CSMD1: variants seen among roughly 807,000 people sequenced by gnomAD.
CSMD1 encodes the protein CUB and sushi domain-containing protein 1.
In CSMD1, 213 loss-of-function variants were observed where a neutral mutation model predicts 417.5. The observed-to-expected ratio is 0.51, with a 90% CI of 0.46 to 0.57. The LOEUF is 0.57. CSMD1 is among the 20% of genes least tolerant of loss of function. The pLI, the probability that CSMD1 is intolerant of heterozygous loss-of-function variation, is 0.00. For synonymous variants in CSMD1, 2,862 were observed against 1,736.8 expected (o/e 1.65, Z -16.11); for missense variants, 6,923 against 4,529.7 (o/e 1.53, Z -15.17).
chr8:3,370,782 C>T (rs935560266), intron 18 of CSMD1, among the ~76,000 whole-genome samples: 1 of 152,144 alleles, frequency 6.6e-6, no homozygotes, highest in Non-Finnish European at 1.5e-5. Flanking sequence ...CCAGACCAGC[C>T]TGGCCAGCAT....
At chr8:3,411,831 T>TATGCACGTATATATGCACGTATAC (rs1563361398) in intron 12 of CSMD1, among the ~76,000 whole-genome samples, 1 of 73,826 alleles carries the variant, frequency 1.4e-5, no homozygotes, top group Admixed American at 1.3e-4. Flanking sequence ...TATATGTATA[T>TATGCACGTATATATGCACGTATAC]ATGCACGTAT....
chr8:3,085,862 T>C (rs998904612), intron 49 of CSMD1, among the ~76,000 whole-genome samples: 1 of 152,178 alleles, frequency 6.6e-6, no homozygotes, highest in Admixed American at 6.5e-5. Flanking sequence ...CTTTGGGACA[T>C]GAAGGTCCCT....
At chr8:4,731,293 G>T (rs1470142535) in intron 1 of CSMD1, among the ~76,000 whole-genome samples, 2 of 152,072 alleles carry the variant, frequency 1.3e-5, no homozygotes, top group Non-Finnish European at 2.9e-5. Context: ...CTTCCTCATG[G>T]GATCCGTCTT....
intron 5 of CSMD1, among the ~76,000 whole-genome samples, chr8:3,806,149 C>G (rs34537358): frequency 6.6e-6 from 1 of 152,144 alleles, no homozygotes; most frequent in Non-Finnish European, 1.5e-5. Context: ...ACAGTTCTGC[C>G]TGACACAACC....
intron 1 of CSMD1, among the ~76,000 whole-genome samples, chr8:4,951,722 A>T (rs1808762188): frequency 6.6e-6 from 1 of 151,824 alleles, no homozygotes; most frequent in South Asian, 2.1e-4. Flanking sequence ...GAATCTCCCT[A>T]TATTAATAAT....
At chr8:3,976,095 T>G (rs1416061596) in intron 5 of CSMD1, among the ~76,000 whole-genome samples, 1 of 152,050 alleles carries the variant, frequency 6.6e-6, no homozygotes, top group East Asian at 1.9e-4. Context: ...CACGAACTTG[T>G]AAGAATCTAA....
chr8:4,806,939 T>C (rs74439168), intron 1 of CSMD1, among the ~76,000 whole-genome samples: 7 of 152,146 alleles, frequency 4.6e-5, no homozygotes, highest in Non-Finnish European at 7.3e-5. Context: ...TCTTAAGCTA[T>C]TATTTATGTT....
intron 3 of CSMD1, among the ~76,000 whole-genome samples, chr8:4,053,392 C>A (rs1798533997): frequency 1.3e-5 from 2 of 151,322 alleles, no homozygotes; most frequent in Admixed American, 6.6e-5. Context: ...GCGCTGACTG[C>A]CTCTACCTTG....
chr8:4,756,345 G>C (rs1811665879), intron 1 of CSMD1, among the ~76,000 whole-genome samples: 1 of 152,104 alleles, frequency 6.6e-6, no homozygotes, highest in Non-Finnish European at 1.5e-5. Context: ...CATCAATTCA[G>C]GCATACTGGC....
At position 3,968,004 on chromosome 8, in the gene CSMD1, T is replaced by TAAAAAAAAAAAAAA. The variant is rs11330461; in HGVS notation, c.818+29885_818+29898dup. Among the ~76,000 whole-genome samples, 74 of 98,874 alleles carry TAAAAAAAAAAAAAA rather than the reference T, an allele frequency of 7.5e-4. 1 individual carries two copies. The highest frequency in any genetic ancestry group is 2.7e-3 in the African/African-American group (61 of 22,968). The allele number at this position is 98,874 out of a possible 152,430, so 64.9% of individuals were successfully genotyped here. ...AACACGGTGAAACCCCGTCACTGCT[T>TAAAAAAAAAAAAAA]AAAAAAAAAAAAAAAAAAAAAAATT... On this transcript the variant is annotated intron_variant, in intron 5 of 69. Transcript: ENST00000635120.
At chr8:3,815,688 A>T (rs1014542379) in intron 5 of CSMD1, among the ~76,000 whole-genome samples, 15 of 151,248 alleles carry the variant, frequency 9.9e-5, no homozygotes, top group African/African-American at 3.7e-4. Flanking sequence ...CTTATCAATG[A>T]TGGTGACTTT....
At chr8:3,984,301 C>G (rs564876853) in intron 5 of CSMD1, among the ~76,000 whole-genome samples, 1 of 152,314 alleles carries the variant, frequency 6.6e-6, no homozygotes, top group Admixed American at 6.5e-5. Flanking sequence ...CACACATGCA[C>G]AGAGTTTACT....
intron 3 of CSMD1, among the ~76,000 whole-genome samples, chr8:4,088,784 C>G (rs546213283): frequency 7.0e-4 from 106 of 152,266 alleles, no homozygotes; most frequent in African/African-American, 2.5e-3. Context: ...CTCCCACCCT[C>G]CCAGACCAAA....
intron 7 of CSMD1, among the ~76,000 whole-genome samples, chr8:3,686,922 T>C (rs1007564562): frequency 6.6e-6 from 1 of 152,168 alleles, no homozygotes; most frequent in African/African-American, 2.4e-5. Flanking sequence ...AGAGTAGAGC[T>C]TTGTCTCCCC....
intron 3 of CSMD1, among the ~76,000 whole-genome samples, chr8:4,406,241 A>T (rs1351051892): frequency 6.6e-6 from 1 of 152,142 alleles, no homozygotes; most frequent in Non-Finnish European, 1.5e-5. Flanking sequence ...CAAATGGTGC[A>T]AGTGGCTCTC....
intron 26 of CSMD1, among the ~76,000 whole-genome samples, chr8:3,237,360 G>A (rs1042323979): frequency 2.0e-5 from 3 of 151,622 alleles, no homozygotes; most frequent in East Asian, 1.9e-4. Flanking sequence ...TCAGCTACTC[G>A]GGAGGCTGAG....
intron 10 of CSMD1, among the ~76,000 whole-genome samples, chr8:3,518,916 T>C (rs990350958): frequency 6.6e-6 from 1 of 152,228 alleles, no homozygotes; most frequent in Non-Finnish European, 1.5e-5. Context: ...TGAGAGCTGT[T>C]GAATCTCCTC....
intron 10 of CSMD1, among the ~76,000 whole-genome samples, chr8:3,566,721 C>T (rs541625934): frequency 2.0e-5 from 3 of 152,236 alleles, no homozygotes; most frequent in East Asian, 3.9e-4. Context: ...ATCAAAACCA[C>T]AATAAGATAC....
intron 5 of CSMD1, among the ~76,000 whole-genome samples, chr8:3,786,415 G>A (rs1001633918): frequency 2.0e-5 from 3 of 152,002 alleles, no homozygotes; most frequent in African/African-American, 7.2e-5. Flanking sequence ...AGAGTTTGGG[G>A]GACCACAAAA....
Sources: gnomAD v4.1 joint callset for allele counts (sites outside exome capture counted in the v4.1 genomes callset) on GRCh38, gnomAD v4.1.1 for gene constraint, MANE v1.5 for transcripts, NCBI Gene and HGNC (gene_info 2026-07-23, HGNC 2026-07-21) for gene names.